Variants in DPP6 observed in about 807,000 individuals in gnomAD.
The protein encoded by DPP6 is A-type potassium channel modulatory protein DPP6.
A neutral mutation model predicts 122.6 loss-of-function variants in DPP6; 69 were observed. The observed-to-expected ratio is 0.56, with a 90% CI of 0.46 to 0.69. The LOEUF (loss-of-function observed/expected upper bound fraction) is 0.69. DPP6 is among the 30% of genes least tolerant of loss of function. The pLI, the probability that DPP6 is intolerant of heterozygous loss-of-function variation, is 0.00. For missense variants in DPP6, 928 were observed against 1,116.9 expected (o/e 0.83, Z 2.41); for synonymous variants, 418 against 433.1 (o/e 0.97, Z 0.43).
chr7:154,652,938 G>C (rs571911855), intron 6 of DPP6, among the ~76,000 whole-genome samples: 1 of 152,168 alleles, frequency 6.6e-6, no homozygotes, highest in Non-Finnish European at 1.5e-5. Context: ...AGAGGAGGGA[G>C]CACCTGTCTG....
chr7:154,400,510 T>G (rs79950682), intron 1 of DPP6, among the ~76,000 whole-genome samples: 1 of 152,226 alleles, frequency 6.6e-6, no homozygotes, highest in Non-Finnish European at 1.5e-5. Context: ...GGGGCCATTT[T>G]AGCGGCTGCC....
intron 1 of DPP6, among the ~76,000 whole-genome samples, chr7:153,982,946 T>C (rs1796666113): frequency 6.6e-6 from 1 of 152,180 alleles, no homozygotes; most frequent in Non-Finnish European, 1.5e-5. Flanking sequence ...ACCCACCAGA[T>C]GCCAGTCAGA....
rs1833377806 is a variant in DPP6 at position 154,600,778 on chromosome 7, A to G, written c.627+33862A>G. 1.6e-5 allele frequency among the ~76,000 whole-genome samples: 2 copies of G among 121,596 alleles called. 1 individual carries two copies. The highest frequency in any genetic ancestry group is 3.7e-5 in the Non-Finnish European group (2 of 53,818). 79.8% of individuals were successfully genotyped at this position (121,596 alleles called of 152,430 possible). A position where few individuals can be genotyped will look rare whatever the true frequency, so the allele number is the denominator to read the frequency against. On this transcript the variant is annotated intron_variant, in intron 5 of 25. Transcript: ENST00000377770. ...CATGAACTGTTTCAAGTGTACAGAA[A>G]AGTACAGATGGCATTACTTAAAACC...
the DPP6 span, among the ~76,000 whole-genome samples, chr7:153,828,001 A>G: frequency 6.6e-6 from 1 of 152,162 alleles, no homozygotes; most frequent in African/African-American, 2.4e-5. Context: ...GGGACTCCAC[A>G]AGGAGCGGTG....
At chr7:153,909,688 G>A (rs1799997869) in intron 1 of DPP6, among the ~76,000 whole-genome samples, 1 of 152,116 alleles carries the variant, frequency 6.6e-6, no homozygotes, top group Non-Finnish European at 1.5e-5. Flanking sequence ...AGGAGCTCAG[G>A]AAATGACACC....
intron 3 of DPP6, among the ~76,000 whole-genome samples, chr7:154,493,643 A>T (rs1171388774): frequency 6.6e-6 from 1 of 152,226 alleles, no homozygotes; most frequent in Non-Finnish European, 1.5e-5. Context: ...AATCTTATTC[A>T]TTCTAAGAAA....
intron 1 of DPP6, among the ~76,000 whole-genome samples, chr7:154,392,099 C>A (rs1175517669): frequency 6.6e-6 from 1 of 152,124 alleles, no homozygotes; most frequent in Non-Finnish European, 1.5e-5. Context: ...CATGGTGAAA[C>A]CCTGTCTCTA....
rs371126717 is a variant in DPP6, at chr7:154,055,765, T to G, written c.243+2702T>G. On this transcript the variant is annotated intron_variant, in intron 1 of 25. Coordinates refer to ENST00000377770, the MANE Select transcript of DPP6 (RefSeq NM_130797.4). ...AGAAATCTCCATCACTCTTGCCTTT[T>G]CAGTCCTGATCCCAAGGCTGGTGGC... is the stretch of plus-strand genomic sequence containing the variant. 6.6e-5 allele frequency: 10 copies of G among 152,360 alleles called. No individual in the cohort carries two copies. In the East Asian group the frequency reaches 1.9e-3, roughly 29 times the overall value. 9.4% of individuals were successfully genotyped at this position (152,360 alleles called of 1,614,324 possible).
chr7:153,864,383 G>C, the DPP6 span, among the ~76,000 whole-genome samples: 1 of 152,230 alleles, frequency 6.6e-6, no homozygotes, highest in African/African-American at 2.4e-5. Flanking sequence ...GGCCGGGCGT[G>C]GTGGCTCACA....
chr7:154,820,082 C>T (rs2150494595), intron 16 of DPP6, among the ~76,000 whole-genome samples: 1 of 152,324 alleles, frequency 6.6e-6, no homozygotes, highest in East Asian at 1.9e-4. Context: ...TGCCCTGTCT[C>T]CACCTGGCAT....
chr7:154,136,133 T>G (rs1795545508), intron 1 of DPP6, among the ~76,000 whole-genome samples: 2 of 152,164 alleles, frequency 1.3e-5, no homozygotes, highest in South Asian at 4.1e-4. Context: ...CATCCATAGA[T>G]TTCTTCCTAA....
intron 1 of DPP6, among the ~76,000 whole-genome samples, chr7:154,013,449 G>GTTTCT (rs199991677): frequency 4.9e-4 from 67 of 137,094 alleles, no homozygotes; most frequent in South Asian, 7.2e-4. Context: ...GAAACCTCAG[G>GTTTCT]TTTCTTTTCT....
In DPP6 at chr7:154,889,341, G is replaced by A. The variant is rs745885265; in HGVS notation, c.2374G>A (p.Asp792Asn). 10 of 1,612,238 alleles carry A rather than the reference G, an allele frequency of 6.2e-6. No homozygotes were observed. The highest frequency in any genetic ancestry group is 3.3e-5 in the Admixed American group (2 of 59,782). ...GTTCCTGATCATTCATCCCACTGCC[G>A]ATGGTAAGGACTGAAAACATGAATT... The part of the protein sequence containing the change: ...QQFLIIHPTA[D>N]EKIHFQHTAE... The change falls in exon 24 of 26, where the codon GAT becomes AAT. Residue 792 changes from aspartate (D) to asparagine (N), a missense_variant. Coordinates refer to ENST00000377770, the MANE Select transcript of DPP6 (RefSeq NM_130797.4).
At chr7:154,010,528 G>A (rs187196813) in intron 1 of DPP6, among the ~76,000 whole-genome samples, 433 of 152,296 alleles carry the variant, frequency 2.8e-3, no homozygotes, top group African/African-American at 9.7e-3. Context: ...GCTCATCTAC[G>A]TGCATGTCAA....
chr7:154,424,660 A>G (rs555113745), intron 1 of DPP6, among the ~76,000 whole-genome samples: 39 of 152,294 alleles, frequency 2.6e-4, no homozygotes, highest in Non-Finnish European at 4.4e-4. Flanking sequence ...TGCCCAGTTC[A>G]CGTAACGTAG....
At chr7:154,695,138 C>T (rs191185108) in intron 7 of DPP6, among the ~76,000 whole-genome samples, 223 of 152,272 alleles carry the variant, frequency 1.5e-3, no homozygotes, top group Admixed American at 2.8e-3. Flanking sequence ...ACAGGGCTGG[C>T]GGCAAGGACA....
At chr7:154,028,314 C>T (rs527964636) in intron 1 of DPP6, among the ~76,000 whole-genome samples, 869 of 151,858 alleles carry the variant, frequency 5.7e-3, no homozygotes, top group African/African-American at 0.02. Flanking sequence ...AAGGCCACAA[C>T]AGCGTTTGCG....
intron 1 of DPP6, among the ~76,000 whole-genome samples, chr7:154,021,412 C>T (rs1451043666): frequency 1.1e-4 from 17 of 152,152 alleles, no homozygotes; most frequent in Non-Finnish European, 1.6e-4. Context: ...CTGCTCCTCC[C>T]AGAGTGCTGT....
chr7:154,196,634 G>T lies in DPP6; in HGVS notation c.243+143571G>T, dbSNP rs572708684. 4.6e-5 allele frequency among the ~76,000 whole-genome samples: 7 copies of T among 152,300 alleles called. No individual in the cohort carries two copies. In the South Asian group the frequency reaches 1.4e-3, roughly 32 times the overall value. On this transcript the variant is annotated intron_variant, in intron 1 of 25. Coordinates refer to ENST00000377770, the MANE Select transcript of DPP6 (RefSeq NM_130797.4). The stretch of plus-strand genomic sequence containing the variant: ...CTTCAGCCATGGGGAGCATTGCACT[G>T]CCTCCTTCCAAGGACCACCTGGGCT...
Sources: allele counts gnomAD v4.1 joint callset (sites outside exome capture counted in the v4.1 genomes callset), GRCh38; gene constraint gnomAD v4.1.1; transcripts MANE v1.5; gene names NCBI Gene and HGNC (gene_info 2026-07-23, HGNC 2026-07-21).